The following BMPR1B variants were observed in gnomAD, a reference collection of about 807,000 sequenced individuals.
BMPR1B encodes the protein bone morphogenetic protein receptor type-1B.
Under a neutral mutation model 59.1 loss-of-function variants are expected in BMPR1B, and 12 were observed. The observed-to-expected ratio is 0.20, with a 90% CI of 0.13 to 0.33. The LOEUF (loss-of-function observed/expected upper bound fraction) is 0.33, where lower values mean the gene tolerates loss of function less well. BMPR1B is among the 10% of genes least tolerant of loss of function. BMPR1B has a pLI of 1.00. For missense variants in BMPR1B, 550 were observed against 610.9 expected (o/e 0.90, Z 1.05); for synonymous variants, 237 against 207.3 (o/e 1.14, Z -1.23).
Position 95,125,001 on chromosome 4 carries a change from C to T in BMPR1B, c.465C>T (p.Thr155=). 2 of 1,613,006 alleles carry T rather than the reference C, an allele frequency of 1.2e-6. No homozygotes were observed. The highest frequency in any genetic ancestry group is 1.7e-6 in the Non-Finnish European group (2 of 1,179,166). Residue 155 remains threonine (T), a synonymous_variant, in exon 8 of 13, where the codon ACC becomes ACT. Coordinates refer to ENST00000515059, the MANE Select transcript of BMPR1B (RefSeq NM_001203.3). Reference sequence around the variant, plus strand: ...TCTTTAGGTATAAAAGACAAGAAACCAGACCTCGATACAGCATTGGGTTAG... The same window carrying T: ...TCTTTAGGTATAAAAGACAAGAAACTAGACCTCGATACAGCATTGGGTTAG... ...FCYFRYKRQE[T]RPRYSIGLEQ...
At chr4:94,931,879 A>G (rs1239632173) in intron 2 of BMPR1B, among the ~76,000 whole-genome samples, 1 of 151,972 alleles carries the variant, frequency 6.6e-6, no homozygotes, top group Non-Finnish European at 1.5e-5. Flanking sequence ...CCTGTGAACC[A>G]GGGCCTGACT....
chr4:95,145,312 GTC>G (rs1445817737), intron 10 of BMPR1B, among the ~76,000 whole-genome samples: 1 of 152,158 alleles, frequency 6.6e-6, no homozygotes, highest in Admixed American at 6.5e-5. Context: ...TGGAATTATT[GTC>G]TCTGAGTCTA....
chr4:95,059,968 A>G (rs897073697), intron 3 of BMPR1B, among the ~76,000 whole-genome samples: 2 of 152,142 alleles, frequency 1.3e-5, no homozygotes, highest in Non-Finnish European at 2.9e-5. Context: ...TTTTATGCAG[A>G]TGTTCATTGA....
At chr4:95,101,949 A>G (rs1048422286) in intron 3 of BMPR1B, among the ~76,000 whole-genome samples, 1 of 151,996 alleles carries the variant, frequency 6.6e-6, no homozygotes, top group African/African-American at 2.4e-5. Context: ...TTTTTCTCTT[A>G]TTATAGTGGG....
chr4:94,902,087 G>GTGTGTGTGTGTGTGTGT (rs1491111955), intron 2 of BMPR1B, among the ~76,000 whole-genome samples: 1 of 128,588 alleles, frequency 7.8e-6, no homozygotes, highest in African/African-American at 3.2e-5. Flanking sequence ...GTGTGTGTGT[G>GTGTGTGTGTGTGTGTGT]GGGTGTATTT....
chr4:94,931,319 C>G (rs62316218), intron 2 of BMPR1B, among the ~76,000 whole-genome samples: 1 of 152,044 alleles, frequency 6.6e-6, no homozygotes, highest in Non-Finnish European at 1.5e-5. Context: ...TTAGTGACTC[C>G]TTTAGACTTT....
rs375751655 is a variant in BMPR1B at position 94,882,967 on chromosome 4, CGTGT to C, written c.-113+7074_-113+7077del. Among the ~76,000 whole-genome samples the C allele has an allele frequency of 1.7e-3, 232 of 136,824 alleles. 1 individual carries two copies. Among genetic ancestry groups the C allele is most frequent in the African/African-American group, 5.6e-3 (208 of 36,850 alleles). The allele number at this position is 136,824 out of a possible 152,430, so 89.8% of individuals were successfully genotyped here. On this transcript the variant is annotated intron_variant, in intron 2 of 12. Coordinates refer to ENST00000515059, the MANE Select transcript of BMPR1B (RefSeq NM_001203.3). ...ACCTTTTCTTTCCTGTGTGTGTGTG[CGTGT>C]GTGTGTATGTGTGTGTGTGTGTGTG... is the stretch of plus-strand genomic sequence containing the variant.
chr4:94,935,016 AAAT>A (rs1729238415), intron 2 of BMPR1B, among the ~76,000 whole-genome samples: 1 of 152,162 alleles, frequency 6.6e-6, no homozygotes, highest in Non-Finnish European at 1.5e-5. Context: ...CATAGAAAAA[AAAT>A]ATGAACTTGA....
chr4:95,009,224 C>A (rs1235196898), intron 3 of BMPR1B, among the ~76,000 whole-genome samples: 2 of 152,094 alleles, frequency 1.3e-5, no homozygotes, highest in Non-Finnish European at 2.9e-5. Flanking sequence ...TAAATTGAAA[C>A]CGAACATAAA....
intron 1 of BMPR1B, among the ~76,000 whole-genome samples, chr4:94,856,253 C>T (rs1401492858): frequency 6.6e-6 from 1 of 152,180 alleles, no homozygotes; most frequent in Non-Finnish European, 1.5e-5. Context: ...GAAAACTGGG[C>T]AGCCCTCCAT....
intron 2 of BMPR1B, among the ~76,000 whole-genome samples, chr4:94,915,717 GTACAATCACGTT>G (rs562739261): frequency 6.6e-6 from 1 of 152,146 alleles, no homozygotes; most frequent in Non-Finnish European, 1.5e-5. Context: ...TTGTGTATGT[GTACAATCACGTT>G]TGGTCATCCT....
chr4:95,066,456 T>C (rs1727810279), intron 3 of BMPR1B, among the ~76,000 whole-genome samples: 1 of 152,224 alleles, frequency 6.6e-6, no homozygotes, highest in South Asian at 2.1e-4. Flanking sequence ...AAGATGAATA[T>C]AGTTATGCTA....
chr4:95,051,813 T>C lies in BMPR1B; in HGVS notation c.-17-52595T>C, dbSNP rs114427099. On this transcript the variant is annotated intron_variant, in intron 3 of 12. Transcript: ENST00000515059. ...CCCTCCACTACAGTGCTGATGGGGCTGAGTTAGAGTCTGATTTCGTGGCTT... is the reference window on the plus strand; with the variant it reads ...CCCTCCACTACAGTGCTGATGGGGCCGAGTTAGAGTCTGATTTCGTGGCTT... 807 of 1,519,836 alleles carry C rather than the reference T, an allele frequency of 5.3e-4. 4 individuals carry two copies. The African/African-American group carries it at 8.6e-3, about 16-fold the overall frequency. The allele number at this position is 1,519,836 out of a possible 1,614,324, so 94.1% of individuals were successfully genotyped here. A position where few individuals can be genotyped will look rare whatever the true frequency, so the allele number is the denominator to read the frequency against.
At chr4:94,967,107 G>A (rs957680853) in intron 2 of BMPR1B, among the ~76,000 whole-genome samples, 2 of 150,942 alleles carry the variant, frequency 1.3e-5, no homozygotes, top group African/African-American at 2.5e-5. Context: ...ATCCAAAGTT[G>A]TTGTATATTC....
chr4:94,774,815 A>G (rs928304632), intron 1 of BMPR1B, among the ~76,000 whole-genome samples: 3 of 151,990 alleles, frequency 2.0e-5, no homozygotes, highest in South Asian at 2.1e-4. Flanking sequence ...TTCTCTCTCT[A>G]TCTTTTACAA....
chr4:95,037,237 A>G (rs151292215), intron 3 of BMPR1B, among the ~76,000 whole-genome samples: 1 of 152,314 alleles, frequency 6.6e-6, no homozygotes, highest in Non-Finnish European at 1.5e-5. Flanking sequence ...GTGGTTGCAA[A>G]GAATGGCTAT....
chr4:94,876,000 GAT>G (rs772498912), intron 2 of BMPR1B, 100 bp downstream of exon 2: 4 of 152,584 alleles, frequency 2.6e-5, no homozygotes, highest in Non-Finnish European at 4.4e-5. Flanking sequence ...TTAACAGAAA[GAT>G]AATACATTTT....
At chr4:94,915,094 T>C (rs1265503252) in intron 2 of BMPR1B, among the ~76,000 whole-genome samples, 20 of 152,154 alleles carry the variant, frequency 1.3e-4, no homozygotes, top group Admixed American at 1.3e-3. Context: ...TATGACCTCC[T>C]CAACCTTGAC....
At chr4:95,141,760 AT>A (rs1734245625) in intron 10 of BMPR1B, among the ~76,000 whole-genome samples, 1 of 152,176 alleles carries the variant, frequency 6.6e-6, no homozygotes, top group Non-Finnish European at 1.5e-5. Context: ...ATATTTTCAT[AT>A]GGGAAAAATA....
Sources: allele counts gnomAD v4.1 joint callset (sites outside exome capture counted in the v4.1 genomes callset), GRCh38; gene constraint gnomAD v4.1.1; transcripts MANE v1.5; gene names NCBI Gene and HGNC (gene_info 2026-07-23, HGNC 2026-07-21).